The following TTC17 variants were observed in gnomAD, a reference collection of about 807,000 sequenced individuals.
TTC17 encodes tetratricopeptide repeat protein 17.
A neutral mutation model predicts 143.8 loss-of-function variants in TTC17; 58 were observed. The observed-to-expected ratio is 0.40, with a 90% confidence interval of 0.33 to 0.50. The LOEUF is 0.50. TTC17 is among the 20% of genes least tolerant of loss of function. The probability of loss-of-function intolerance (pLI) is 0.49; values close to 1 mark genes in which losing one functional copy is unlikely to be tolerated. For missense variants in TTC17, 1,273 were observed against 1,392.5 expected (o/e 0.91, Z 1.37); for synonymous variants, 501 against 497.8 (o/e 1.01, Z -0.09).
At chr11:43,450,696 G>A (rs1485264957) in intron 20 of TTC17, among the ~76,000 whole-genome samples, 1 of 152,170 alleles carries the variant, frequency 6.6e-6, no homozygotes. Flanking sequence ...ATAGTATACA[G>A]TGGCACCATT....
At chr11:43,435,125 AGATAGATC>A (rs1389167094) in intron 16 of TTC17, 1 of 147,562 alleles carries the variant, frequency 6.8e-6, no homozygotes, top group Non-Finnish European at 1.5e-5. Flanking sequence ...ATAGATAGAT[AGATAGATC>A]GGTCTATCTT....
At chr11:43,384,540 A>G (rs1406595934) in intron 2 of TTC17, among the ~76,000 whole-genome samples, 1 of 152,078 alleles carries the variant, frequency 6.6e-6, no homozygotes, top group Non-Finnish European at 1.5e-5. Flanking sequence ...CTATAGTCCC[A>G]GCTACTTGGG....
At chr11:43,420,027 C>A (rs1470038807) in intron 16 of TTC17, among the ~76,000 whole-genome samples, 2 of 152,158 alleles carry the variant, frequency 1.3e-5, no homozygotes, top group South Asian at 2.1e-4. Flanking sequence ...CTGTATATTT[C>A]TTTACTTAAA....
Position 43,480,886 on chromosome 11 carries a change from G to T in TTC17, c.3031-9353G>T, listed in dbSNP as rs1291970445. Among the ~76,000 whole-genome samples, 6 of 121,022 alleles carry T rather than the reference G, an allele frequency of 5.0e-5. No individual in the cohort carries two copies. The South Asian group carries it at 1.3e-3, about 25-fold the overall frequency. The allele number at this position is 121,022 out of a possible 152,430, so 79.4% of individuals were successfully genotyped here. Reference sequence around the variant, plus strand: ...CCAAAAAAAATCAATACAAGAAAATGCAAAAAAAAAAAAAAGCATTCAAGA... The same window carrying T: ...CCAAAAAAAATCAATACAAGAAAATTCAAAAAAAAAAAAAAGCATTCAAGA... On this transcript the variant is annotated intron_variant, in intron 21 of 23. Transcript: ENST00000039989.
At chr11:43,381,402 G>C (rs1235320158) in intron 2 of TTC17, among the ~76,000 whole-genome samples, 1 of 152,168 alleles carries the variant, frequency 6.6e-6, no homozygotes, top group Non-Finnish European at 1.5e-5. Context: ...CTATAGTAGT[G>C]TCTGATATGC....
chr11:43,475,190 T>C (rs1373722709), intron 21 of TTC17, among the ~76,000 whole-genome samples: 2 of 152,196 alleles, frequency 1.3e-5, no homozygotes, highest in Non-Finnish European at 2.9e-5. Flanking sequence ...CTTGTACAGA[T>C]TGATTATCCT....
chr11:43,484,323 C>T (rs1468305796), intron 21 of TTC17, among the ~76,000 whole-genome samples: 1 of 152,090 alleles, frequency 6.6e-6, no homozygotes, highest in Non-Finnish European at 1.5e-5. Flanking sequence ...TTCTGTACAG[C>T]AGCACAAAAT....
chr11:43,459,664 T>G (rs1947828045), intron 21 of TTC17, among the ~76,000 whole-genome samples: 1 of 152,242 alleles, frequency 6.6e-6, no homozygotes, highest in Admixed American at 6.5e-5. Context: ...GCTTAAATCT[T>G]TCTGAAGTAC....
chr11:43,473,873 ACT>A (rs1464236900), intron 21 of TTC17, among the ~76,000 whole-genome samples: 2 of 146,370 alleles, frequency 1.4e-5, no homozygotes, highest in Admixed American at 7.0e-5. Context: ...ACAGAATGAG[ACT>A]CTGTCTCAAA....
intron 16 of TTC17, among the ~76,000 whole-genome samples, chr11:43,422,157 C>T (rs1286125138): frequency 6.6e-6 from 1 of 152,038 alleles, no homozygotes; most frequent in Non-Finnish European, 1.5e-5. Context: ...CAAAAAGACA[C>T]TCCTAGAAAG....
intron 2 of TTC17, among the ~76,000 whole-genome samples, chr11:43,381,886 T>G (rs190882227): frequency 6.6e-6 from 1 of 152,266 alleles, no homozygotes; most frequent in Admixed American, 6.5e-5. Flanking sequence ...TAAAGAAGAC[T>G]GAAGGAGGTA....
At chr11:43,451,551 A>C (rs1198781810) in intron 21 of TTC17, among the ~76,000 whole-genome samples, 1 of 152,162 alleles carries the variant, frequency 6.6e-6, no homozygotes, top group Non-Finnish European at 1.5e-5. Flanking sequence ...ATTGGAAACC[A>C]TGGAATCTAG....
chr11:43,486,450 A>G (rs1053552649), intron 21 of TTC17: 6 of 452,818 alleles, frequency 1.3e-5, no homozygotes, highest in Non-Finnish European at 2.7e-5. Flanking sequence ...TATCCCTATC[A>G]GGTAGGAGGG....
intron 16 of TTC17, among the ~76,000 whole-genome samples, chr11:43,437,047 A>C (rs1277140084): frequency 6.6e-6 from 1 of 152,052 alleles, no homozygotes; most frequent in Non-Finnish European, 1.5e-5. Context: ...TGACTACACC[A>C]ATGTCTCCAG....
rs1191199107 is a variant in TTC17, at chr11:43,492,054, A to T, written c.3185A>T (p.His1062Leu). 66 of 1,613,984 alleles carry T rather than the reference A, an allele frequency of 4.1e-5. No individual in the cohort carries two copies. The highest frequency in any genetic ancestry group is 5.3e-5 in the Non-Finnish European group (63 of 1,179,982). ...CTGATTAGCCTGGCCAACATCTTGC[A>T]CAATGCCAAGCTCTGGAATGACGCC... ...VPLISLANILHNAKLWNDAVI... is the reference protein window; with the variant it reads ...VPLISLANILLNAKLWNDAVI... The change falls in exon 23 of 24, where the codon CAC (histidine) becomes CTC (leucine). Residue 1062 changes from histidine to leucine, a missense_variant. Around this residue, in one of 3 missense-constraint regions of TTC17, gnomAD observed 878 missense variants for 899.8 expected, o/e 0.98. Transcript: ENST00000039989.
At chr11:43,396,083 A>G (rs1203808765) in intron 5 of TTC17, 1 of 152,110 alleles carries the variant, frequency 6.6e-6, no homozygotes, top group Non-Finnish European at 1.5e-5. Flanking sequence ...TTTAATATCT[A>G]AAGTTAATAA....
chr11:43,428,926 A>G (rs1320503480), intron 16 of TTC17, among the ~76,000 whole-genome samples: 1 of 152,078 alleles, frequency 6.6e-6, no homozygotes, highest in African/African-American at 2.4e-5. Context: ...TTGCCATTGT[A>G]CTTTTGAGGT....
Position 43,494,827 on chromosome 11 carries a change from A to AT in TTC17, c.*924dup, listed in dbSNP as rs1353064141. 4 of 152,184 alleles carry AT rather than the reference A, an allele frequency of 2.6e-5. No individual in the cohort carries two copies. The highest frequency in any genetic ancestry group is 9.6e-5 in the African/African-American group (4 of 41,456). 9.4% of individuals were successfully genotyped at this position (152,184 alleles called of 1,614,324 possible). On this transcript the variant is annotated 3_prime_UTR_variant, in exon 24 of 24. Coordinates refer to ENST00000039989, the MANE Select transcript of TTC17 (RefSeq NM_018259.6). ...TAATGAGCCAAGGTTGAGTGTTTCC[A>AT]TACAATGCTTTTACCTTTGATCCCA...
chr11:43,393,683 A>ATCTG (rs534415210), intron 5 of TTC17, among the ~76,000 whole-genome samples: 1 of 152,126 alleles, frequency 6.6e-6, no homozygotes, highest in Non-Finnish European at 1.5e-5. Flanking sequence ...TGGGACCAGC[A>ATCTG]TCTGTCCTGA....
Sources: gnomAD v4.1 joint callset for allele counts (sites outside exome capture counted in the v4.1 genomes callset) on GRCh38, gnomAD v4.1.1 for gene constraint, gnomAD v4.1.1 regional missense constraint, MANE v1.5 for transcripts, NCBI Gene and HGNC (gene_info 2026-07-23, HGNC 2026-07-21) for gene names.